The following CA10 variants were observed in gnomAD, a reference collection of about 807,000 sequenced individuals.
The protein encoded by CA10 is carbonic anhydrase-related protein 10.
A neutral mutation model predicts 44.2 loss-of-function variants in CA10; 14 were observed. The observed-to-expected ratio is 0.32, with a 90% CI of 0.21 to 0.50. The LOEUF (loss-of-function observed/expected upper bound fraction) is 0.50, where lower values mean the gene tolerates loss of function less well. Ranked by LOEUF, CA10 falls within the 20% of genes least tolerant of loss-of-function variation. The pLI is 0.99. For missense variants in CA10, 350 were observed against 409.7 expected (o/e 0.85, Z 1.26); for synonymous variants, 159 against 141.6 (o/e 1.12, Z -0.87).
intron 2 of CA10, among the ~76,000 whole-genome samples, chr17:52,025,740 T>C (rs1038503917): frequency 1.3e-5 from 2 of 152,092 alleles, no homozygotes; most frequent in African/African-American, 2.4e-5. Flanking sequence ...AAGTAAAACA[T>C]GCATAAAATA....
chr17:52,064,705 G>C (rs1987486404), intron 2 of CA10, among the ~76,000 whole-genome samples: 2 of 152,132 alleles, frequency 1.3e-5, no homozygotes, highest in Admixed American at 1.3e-4. Context: ...ATGGAAAATA[G>C]CAAGCTGGGA....
At chr17:51,890,411 A>T (rs765857347) in intron 3 of CA10, among the ~76,000 whole-genome samples, 4 of 152,196 alleles carry the variant, frequency 2.6e-5, no homozygotes, top group African/African-American at 4.8e-5. Flanking sequence ...ATTTGTAAAA[A>T]ATACCAAACC....
chr17:51,790,064 C>T (rs1451740530), intron 3 of CA10, among the ~76,000 whole-genome samples: 3 of 152,142 alleles, frequency 2.0e-5, no homozygotes, highest in Non-Finnish European at 4.4e-5. Flanking sequence ...TAGTGGCCTC[C>T]TTGGTTGCTG....
At chr17:52,115,148 G>T (rs1440292135) in intron 1 of CA10, among the ~76,000 whole-genome samples, 1 of 152,208 alleles carries the variant, frequency 6.6e-6, no homozygotes, top group African/African-American at 2.4e-5. Flanking sequence ...GGCCTCTTCA[G>T]CTCCTGTGTG....
intron 3 of CA10, chr17:51,761,342 A>G (rs1281715457): frequency 6.6e-6 from 1 of 152,160 alleles, no homozygotes; most frequent in Non-Finnish European, 1.5e-5. Flanking sequence ...TGGCAGTTAG[A>G]ATCTATTGAT....
chr17:51,876,802 AT>A (rs1194260670), intron 3 of CA10, among the ~76,000 whole-genome samples: 3 of 152,020 alleles, frequency 2.0e-5, no homozygotes, highest in Non-Finnish European at 2.9e-5. Flanking sequence ...CTGCCAAGCT[AT>A]TTTTCAGGGC....
At chr17:51,993,870 CTTCTT>C (rs1414543217) in intron 2 of CA10, among the ~76,000 whole-genome samples, 8 of 152,086 alleles carry the variant, frequency 5.3e-5, no homozygotes, top group African/African-American at 1.9e-4. Flanking sequence ...AAATTACTCT[CTTCTT>C]TTATTGATAA....
chr17:51,821,044 CCTCCCTCCCTCCCTCCCTCT>C (rs1381929826), intron 3 of CA10, among the ~76,000 whole-genome samples: 1 of 110,640 alleles, frequency 9.0e-6, no homozygotes, highest in East Asian at 3.2e-4. Context: ...TCCCTCCCTC[CCTCCCTCCCTCCCTCCCTCT>C]CTCCCTTCCT....
chr17:51,639,095 T>C (rs1301572676), intron 6 of CA10, among the ~76,000 whole-genome samples: 1 of 152,172 alleles, frequency 6.6e-6, no homozygotes, highest in African/African-American at 2.4e-5. Flanking sequence ...CCGAAGGGAT[T>C]GAAGCCAAGG....
intron 3 of CA10, among the ~76,000 whole-genome samples, chr17:51,844,254 T>C (rs1978396076): frequency 6.6e-6 from 1 of 152,138 alleles, no homozygotes; most frequent in South Asian, 2.1e-4. Context: ...ATTGATAAAA[T>C]ACTTGAAATT....
At chr17:51,871,226 C>CTTAT (rs530615358) in intron 3 of CA10, among the ~76,000 whole-genome samples, 110 of 149,162 alleles carry the variant, frequency 7.4e-4, no homozygotes, top group Middle Eastern at 3.5e-3. Flanking sequence ...GCCTGGCTTG[C>CTTAT]TTATTTATTT....
At position 52,006,050 on chromosome 17, in the gene CA10, G is replaced by C. The variant is rs1390914681; in HGVS notation, c.136+66269C>G. On this transcript the variant is annotated intron_variant, in intron 2 of 8. Coordinates refer to ENST00000451037, the MANE Select transcript of CA10 (RefSeq NM_020178.5). ...AACTTTTATCCCATGTAATTGGTAA[G>C]GTAATGAGATGGCCAAAGAGAGATG... 6.6e-5 allele frequency among the ~76,000 whole-genome samples: 10 copies of C among 151,874 alleles called. No individual in the cohort carries two copies. In the East Asian group the frequency reaches 1.9e-3, roughly 30 times the overall value.
intron 4 of CA10, among the ~76,000 whole-genome samples, chr17:51,692,508 C>T (rs1915248532): frequency 6.6e-6 from 1 of 151,918 alleles, no homozygotes; most frequent in African/African-American, 2.4e-5. Flanking sequence ...TTGATTTCTT[C>T]CTTTCCAACT....
chr17:51,722,464 A>G (rs1318227419), intron 4 of CA10, among the ~76,000 whole-genome samples: 1 of 152,132 alleles, frequency 6.6e-6, no homozygotes, highest in African/African-American at 2.4e-5. Flanking sequence ...GTTCTATTTC[A>G]TGTGTTTTCT....
At chr17:52,072,717 A>ACAAC (rs59430467) in intron 1 of CA10, among the ~76,000 whole-genome samples, 4 of 106,520 alleles carry the variant, frequency 3.8e-5, no homozygotes, top group East Asian at 2.5e-4. Flanking sequence ...ACACACACAC[A>ACAAC]ACACACACAC....
At chr17:51,893,826 G>A (rs1980959883) in intron 3 of CA10, among the ~76,000 whole-genome samples, 1 of 152,156 alleles carries the variant, frequency 6.6e-6, no homozygotes, top group Non-Finnish European at 1.5e-5. Flanking sequence ...TATTTGTGAG[G>A]TCAATAGATC....
intron 3 of CA10, among the ~76,000 whole-genome samples, chr17:51,750,938 C>T (rs1904870059): frequency 6.6e-6 from 1 of 152,096 alleles, no homozygotes; most frequent in Non-Finnish European, 1.5e-5. Flanking sequence ...GTGAATTTTC[C>T]CAGTACTTGG....
At chr17:51,854,891 G>T (rs138713192) in intron 3 of CA10, among the ~76,000 whole-genome samples, 1 of 152,234 alleles carries the variant, frequency 6.6e-6, no homozygotes, top group East Asian at 1.9e-4. Context: ...CTTAAACCTC[G>T]CAACTACCTT....
At chr17:52,063,731 G>A (rs1276612298) in intron 2 of CA10, among the ~76,000 whole-genome samples, 4 of 152,126 alleles carry the variant, frequency 2.6e-5, no homozygotes, top group African/African-American at 9.7e-5. Flanking sequence ...CTGGTGCCAT[G>A]CTTCTTGTAC....
Sources: gnomAD v4.1 joint callset for allele counts (sites outside exome capture counted in the v4.1 genomes callset) on GRCh38, gnomAD v4.1.1 for gene constraint, MANE v1.5 for transcripts, NCBI Gene and HGNC (gene_info 2026-07-23, HGNC 2026-07-21) for gene names.